The following IL1RAPL2 variants were observed in gnomAD, a reference collection of about 807,000 sequenced individuals.
IL1RAPL2 encodes interleukin 1 receptor accessory protein like 2.
A neutral mutation model predicts 44.1 loss-of-function variants in IL1RAPL2; 3 were observed. That is an observed-to-expected ratio of 0.07 (90% confidence interval 0.03 to 0.18). IL1RAPL2 has a LOEUF of 0.18. Among genes scored for constraint, IL1RAPL2 ranks in the 10% least tolerant of loss-of-function variants. IL1RAPL2 has a pLI of 1.00. For missense variants in IL1RAPL2, 391 were observed against 496.4 expected, an observed-to-expected ratio of 0.79 and a Z score of 2.02; for synonymous variants, 181 against 178.8, an observed-to-expected ratio of 1.01 and a Z score of -0.10.
At chrX:104,653,644 T>G (rs971650980) in intron 1 of IL1RAPL2, among the ~76,000 whole-genome samples, 11 of 111,437 alleles carry the variant, frequency 9.9e-5, no homozygotes, top group Admixed American at 7.7e-4. Context: ...ACTGGAAGTT[T>G]TCTGAATTTA....
chrX:104,985,511 A>G (rs1265018847), intron 2 of IL1RAPL2, among the ~76,000 whole-genome samples: 1 of 112,386 alleles, frequency 8.9e-6, no homozygotes, highest in African/African-American at 3.2e-5. Context: ...TTAATGCTGC[A>G]TAGCTAAATT....
chrX:104,629,796 A>G (rs190305183), intron 1 of IL1RAPL2, among the ~76,000 whole-genome samples: 14 of 111,515 alleles, frequency 1.3e-4, no homozygotes, highest in Admixed American at 8.6e-4. Context: ...CCTTTCCCCA[A>G]TGTGTGTTCT....
chrX:105,031,991 G>T (rs145288206), intron 2 of IL1RAPL2, among the ~76,000 whole-genome samples: 6,944 of 110,848 alleles, frequency 0.063, 606 homozygotes, highest in African/African-American at 0.22. Context: ...CCATTTCTTC[G>T]AGATTTTCTA....
In IL1RAPL2 at chrX:104,946,636, A is replaced by G. The variant is rs1375720633; in HGVS notation, c.83-248839A>G. On this transcript the variant is annotated intron_variant, in intron 2 of 10. Coordinates refer to ENST00000372582, the MANE Select transcript of IL1RAPL2 (RefSeq NM_017416.2). The stretch of plus-strand genomic sequence containing the variant: ...TGTGTCCATGTGTTCTCATTGTTCA[A>G]TTCCCACCTATGAGTGAGAATATGC... Among the ~76,000 whole-genome samples, 73 of 90,531 alleles carry G rather than the reference A, an allele frequency of 8.1e-4. 2 individuals are homozygous for G. The Admixed American group carries it at 8.8e-3, about 11-fold the overall frequency. The allele number at this position is 90,531 out of a possible 115,157, so 78.6% of individuals were successfully genotyped here. A position where few individuals can be genotyped will look rare whatever the true frequency, so the allele number is the denominator to read the frequency against.
intron 2 of IL1RAPL2, among the ~76,000 whole-genome samples, chrX:105,038,024 G>A (rs1439541398): frequency 9.0e-6 from 1 of 111,455 alleles, no homozygotes. Context: ...AAGATGTGGG[G>A]AATCATGACC....
chrX:105,248,857 G>A (rs2034245109), intron 4 of IL1RAPL2, among the ~76,000 whole-genome samples: 1 of 111,106 alleles, frequency 9.0e-6, no homozygotes, highest in Non-Finnish European at 1.9e-5. Context: ...ACGCTACTGA[G>A]GATTCGAAGA....
chrX:105,150,592 C>A (rs2033218298), intron 2 of IL1RAPL2, among the ~76,000 whole-genome samples: 1 of 111,951 alleles, frequency 8.9e-6, no homozygotes, highest in Admixed American at 9.5e-5. Flanking sequence ...ACTGACAGTT[C>A]TTAGGCTGCC....
intron 2 of IL1RAPL2, among the ~76,000 whole-genome samples, chrX:104,708,941 G>A (rs1190180979): frequency 9.0e-6 from 1 of 111,304 alleles, no homozygotes; most frequent in Non-Finnish European, 1.9e-5. Context: ...AAATTTAATT[G>A]AGAAGGAATA....
chrX:104,876,642 T>C lies in IL1RAPL2; in HGVS notation c.82+217647T>C, dbSNP rs768134489. Among the ~76,000 whole-genome samples the C allele has an allele frequency of 1.1e-4, 10 of 91,844 alleles. No homozygotes were observed. In the East Asian group the frequency reaches 2.7e-3, roughly 25 times the overall value. The allele number at this position is 91,844 out of a possible 115,157, so 79.8% of individuals were successfully genotyped here. On this transcript the variant is annotated intron_variant, in intron 2 of 10. Transcript: ENST00000372582. ...CACACACACAACCAAATCACTGTTA[T>C]ATAGCTTTCTTTTTTTTTTTTTTTT...
chrX:105,193,558 G>A (rs1603001063), intron 2 of IL1RAPL2, among the ~76,000 whole-genome samples: 1 of 112,105 alleles, frequency 8.9e-6, no homozygotes, highest in South Asian at 3.7e-4. Context: ...ATCCAGAGGT[G>A]TATCACTAGT....
intron 1 of IL1RAPL2, among the ~76,000 whole-genome samples, chrX:104,582,676 C>CTCTTTCTT (rs202220678): frequency 5.5e-4 from 37 of 67,735 alleles, no homozygotes; most frequent in East Asian, 2.3e-3. Context: ...TTTTTTCTTT[C>CTCTTTCTT]TCTTTCTTTC....
At chrX:104,779,342 T>C (rs1158086779) in intron 2 of IL1RAPL2, among the ~76,000 whole-genome samples, 1 of 112,107 alleles carries the variant, frequency 8.9e-6, no homozygotes, top group Non-Finnish European at 1.9e-5. Flanking sequence ...AGCAGGCTGA[T>C]GTTTGCATCG....
At chrX:105,236,552 G>T (rs1159271480) in intron 4 of IL1RAPL2, among the ~76,000 whole-genome samples, 1 of 111,655 alleles carries the variant, frequency 9.0e-6, no homozygotes, top group Non-Finnish European at 1.9e-5. Context: ...CAAGCTAAGT[G>T]GGTTAGCAAA....
rs757226499 is a variant in IL1RAPL2, at chrX:105,076,801, C to A, written c.83-118674C>A. Among the ~76,000 whole-genome samples, 7 of 111,218 alleles carry A rather than the reference C, an allele frequency of 6.3e-5. No homozygotes were observed. The South Asian group carries it at 2.6e-3, about 42-fold the overall frequency. ...TGATCCCTTTACCATTATGTAATGGCCTTCTTTGTCTCTTTTGATCTTTGT... is the reference window on the plus strand; with the variant it reads ...TGATCCCTTTACCATTATGTAATGGACTTCTTTGTCTCTTTTGATCTTTGT... On this transcript the variant is annotated intron_variant, in intron 2 of 10. Transcript: ENST00000372582.
At chrX:105,520,936 T>TC (rs767798793) in intron 6 of IL1RAPL2, among the ~76,000 whole-genome samples, 290 of 78,221 alleles carry the variant, frequency 3.7e-3, no homozygotes, top group Non-Finnish European at 5.8e-3. Flanking sequence ...TTTTTTTTTT[T>TC]TTTTTTTTTT....
At chrX:105,025,694 T>G (rs2031359203) in intron 2 of IL1RAPL2, among the ~76,000 whole-genome samples, 1 of 111,520 alleles carries the variant, frequency 9.0e-6, no homozygotes, top group Admixed American at 9.6e-5. Context: ...CATATATTAT[T>G]TATAAGAAAA....
At chrX:105,542,103 A>C (rs2036741898) in intron 6 of IL1RAPL2, among the ~76,000 whole-genome samples, 1 of 111,606 alleles carries the variant, frequency 9.0e-6, no homozygotes, top group Non-Finnish European at 1.9e-5. Context: ...ACATGTCTCA[A>C]TGCTGCACAG....
At chrX:105,044,642 G>C (rs778881862) in intron 2 of IL1RAPL2, among the ~76,000 whole-genome samples, 1 of 111,809 alleles carries the variant, frequency 8.9e-6, no homozygotes, top group African/African-American at 3.2e-5. Flanking sequence ...AGGCAGGGAA[G>C]TAGGTTGAGA....
rs187211730 is a variant in IL1RAPL2, at chrX:104,589,697, A to T, written c.-20+22646A>T. On this transcript the variant is annotated intron_variant, in intron 1 of 10. Coordinates refer to ENST00000372582, the MANE Select transcript of IL1RAPL2 (RefSeq NM_017416.2). ...CTTTTTTTCACTTTGTGACATGGGG[A>T]GGGGATTTGTATAATTGTTAGTAGC... is the stretch of plus-strand genomic sequence containing the variant. Among the ~76,000 whole-genome samples, 9 of 111,383 alleles carry T rather than the reference A, an allele frequency of 8.1e-5. No homozygotes were observed. The East Asian group carries it at 2.6e-3, about 32-fold the overall frequency.
Sources: gnomAD v4.1 joint callset for allele counts (sites outside exome capture counted in the v4.1 genomes callset) on GRCh38, gnomAD v4.1.1 for gene constraint, MANE v1.5 for transcripts, NCBI Gene and HGNC (gene_info 2026-07-23, HGNC 2026-07-21) for gene names.